Variants in CTIF observed in about 807,000 individuals in gnomAD.
CTIF encodes the protein cap binding complex dependent translation initiation factor.
CTIF carries 21 observed loss-of-function variants against 66.0 expected under a neutral mutation model. That is an observed-to-expected ratio of 0.32 (90% CI 0.23 to 0.46). CTIF has a LOEUF of 0.46. Ranked by LOEUF, CTIF falls within the 20% of genes least tolerant of loss-of-function variation. The pLI is 1.00. For synonymous variants in CTIF, 345 were observed against 326.4 expected (o/e 1.06, Z -0.62); for missense variants, 739 against 812.7 (o/e 0.91, Z 1.10).
chr18:48,699,949 C>T (rs556709745), intron 6 of CTIF, among the ~76,000 whole-genome samples: 17 of 152,368 alleles, frequency 1.1e-4, no homozygotes, highest in African/African-American at 3.1e-4. Flanking sequence ...TCCAATTCCA[C>T]GTGAGCACAC....
At chr18:48,730,696 A>AGGGGCTTCCGCGGTGTGAGGGGCTTCTGC (rs2092446751) in intron 7 of CTIF, among the ~76,000 whole-genome samples, 3 of 34,288 alleles carry the variant, frequency 8.7e-5, no homozygotes, top group Admixed American at 5.2e-4. Context: ...GGAGCCCCTG[A>AGGGGCTTCCGCGGTGTGAGGGGCTTCTGC]GGTGTGAGGG....
intron 6 of CTIF, among the ~76,000 whole-genome samples, chr18:48,703,146 C>T (rs2092105862): frequency 6.6e-6 from 1 of 152,204 alleles, no homozygotes; most frequent in Non-Finnish European, 1.5e-5. Context: ...TCTGCCCTAC[C>T]TCCATGGGGC....
At chr18:48,608,626 G>C (rs560596136) in intron 1 of CTIF, among the ~76,000 whole-genome samples, 9 of 152,206 alleles carry the variant, frequency 5.9e-5, no homozygotes, top group Non-Finnish European at 8.8e-5. Flanking sequence ...AGAGAGAAAG[G>C]GTTGCTGTTC....
At chr18:48,764,538 G>A (rs1045258841) in intron 9 of CTIF, among the ~76,000 whole-genome samples, 4 of 152,120 alleles carry the variant, frequency 2.6e-5, no homozygotes, top group African/African-American at 7.2e-5. Context: ...AAAGGAAGGC[G>A]CTGGAAGCCT....
Position 48,636,705 on chromosome 18 carries a change from C to T in CTIF, c.252+20C>T. 4 of 1,574,980 alleles carry T rather than the reference C, an allele frequency of 2.5e-6. No individual in the cohort carries two copies. Among genetic ancestry groups the T allele is most frequent in the Non-Finnish European group, 2.6e-6 (3 of 1,162,774 alleles). ...CAGCAGGTAGGGAACCAGCTCTGCG[C>T]TCTGTCTGGGGGTGTCCTATGTCTT... On this transcript the variant is annotated intron_variant, in intron 3 of 11. Transcript: ENST00000256413.
intron 3 of CTIF, among the ~76,000 whole-genome samples, chr18:48,643,642 T>C (rs1253867539): frequency 6.6e-6 from 1 of 152,134 alleles, no homozygotes; most frequent in African/African-American, 2.4e-5. Context: ...TGGTTTCTCG[T>C]GGTGGGGAAG....
chr18:48,566,809 A>C (rs1335335509), intron 1 of CTIF: 4 of 152,204 alleles, frequency 2.6e-5, no homozygotes. Flanking sequence ...GGTGGATAAC[A>C]TGAGTGGGGC....
At chr18:48,836,944 C>A (rs1418523374) in intron 10 of CTIF, among the ~76,000 whole-genome samples, 1 of 152,220 alleles carries the variant, frequency 6.6e-6, no homozygotes, top group Non-Finnish European at 1.5e-5. Context: ...AGTCCTGCAT[C>A]CCTGCCCACA....
chr18:48,628,894 G>A (rs2144541978), intron 2 of CTIF, among the ~76,000 whole-genome samples: 4 of 152,312 alleles, frequency 2.6e-5, no homozygotes, highest in African/African-American at 9.6e-5. Flanking sequence ...GATAGAGAAT[G>A]AGCTGCCAGC....
intron 3 of CTIF, among the ~76,000 whole-genome samples, chr18:48,638,201 C>T (rs1336050382): frequency 6.6e-6 from 1 of 152,142 alleles, no homozygotes; most frequent in Non-Finnish European, 1.5e-5. Flanking sequence ...GGAGATTCCC[C>T]TCACTCTTCA....
At chr18:48,799,325 A>T (rs2067999857) in intron 9 of CTIF, among the ~76,000 whole-genome samples, 1 of 152,232 alleles carries the variant, frequency 6.6e-6, no homozygotes, top group South Asian at 2.1e-4. Context: ...TGGATGACCA[A>T]ACTGAGGCCC....
intron 10 of CTIF, among the ~76,000 whole-genome samples, chr18:48,829,123 A>G (rs1180975486): frequency 6.6e-6 from 1 of 152,102 alleles, no homozygotes; most frequent in African/African-American, 2.4e-5. Context: ...AATGGACGGG[A>G]CTGGGGAGGA....
intron 9 of CTIF, among the ~76,000 whole-genome samples, chr18:48,784,486 C>T (rs1042889720): frequency 9.9e-5 from 15 of 152,164 alleles, no homozygotes; most frequent in African/African-American, 2.2e-4. Flanking sequence ...CCTACCTGGT[C>T]GGAGGGACCA....
At position 48,626,780 on chromosome 18, in the gene CTIF, C is replaced by T. The variant is rs534427501; in HGVS notation, c.180+7035C>T. Among the ~76,000 whole-genome samples, 25 of 151,960 alleles carry T rather than the reference C, an allele frequency of 1.6e-4. No homozygotes were observed. In the South Asian group the frequency reaches 2.5e-3, roughly 15 times the overall value. On this transcript the variant is annotated intron_variant, in intron 2 of 11. Coordinates refer to ENST00000256413, the MANE Select transcript of CTIF (RefSeq NM_014772.3). ...AAGCGATTCTCCTGCCTCAGCCTCC[C>T]GAGTAGCTGTGATTACAGGTGCCTG...
intron 1 of CTIF, among the ~76,000 whole-genome samples, chr18:48,547,654 G>A (rs2088783691): frequency 6.6e-6 from 1 of 152,214 alleles, no homozygotes; most frequent in African/African-American, 2.4e-5. Context: ...CCCTGCAGCT[G>A]TTGTGAGAGA....
intron 10 of CTIF, 144 bp from the exon 11 acceptor site, chr18:48,857,444 C>T: frequency 3.1e-6 from 2 of 638,692 alleles, no homozygotes; most frequent in Non-Finnish European, 5.2e-6. Context: ...TTTGTGGGCT[C>T]TCACTCTAGC....
intron 9 of CTIF, among the ~76,000 whole-genome samples, chr18:48,814,166 T>C (rs1318030797): frequency 6.6e-6 from 1 of 152,244 alleles, no homozygotes; most frequent in Non-Finnish European, 1.5e-5. Flanking sequence ...TTCTTTGATG[T>C]GTGCCTTCAT....
chr18:48,727,540 A>G (rs900973468), intron 7 of CTIF, among the ~76,000 whole-genome samples: 1 of 152,198 alleles, frequency 6.6e-6, no homozygotes, highest in Non-Finnish European at 1.5e-5. Context: ...TTCCACTGAA[A>G]TAATCCTTTG....
At chr18:48,796,876 A>G (rs557261454) in intron 9 of CTIF, among the ~76,000 whole-genome samples, 2 of 152,290 alleles carry the variant, frequency 1.3e-5, no homozygotes, top group South Asian at 2.1e-4. Context: ...CACACTGCTT[A>G]GTGAGTCTGG....
Sources: allele counts gnomAD v4.1 joint callset (sites outside exome capture counted in the v4.1 genomes callset), GRCh38; gene constraint gnomAD v4.1.1; transcripts MANE v1.5; gene names NCBI Gene and HGNC (gene_info 2026-07-23, HGNC 2026-07-21).